Variants in AKAP13 observed in about 807,000 individuals in gnomAD.
The protein encoded by AKAP13 is A-kinase anchor protein 13.
In AKAP13, 80 loss-of-function variants were observed where a neutral mutation model predicts 264.5. That is an observed-to-expected ratio of 0.30 (90% confidence interval 0.25 to 0.36). AKAP13 has a LOEUF of 0.36. AKAP13 is among the 10% of genes least tolerant of loss of function. AKAP13 has a pLI of 1.00. For missense variants in AKAP13, 3,712 were observed against 3,435.2 expected, an observed-to-expected ratio of 1.08 and a Z score of -2.01; for synonymous variants, 1,380 against 1,250.2, an observed-to-expected ratio of 1.10 and a Z score of -2.19.
chr15:85,596,860 C>CG (rs2079844469), intron 8 of AKAP13, among the ~76,000 whole-genome samples: 1 of 151,994 alleles, frequency 6.6e-6, no homozygotes, highest in African/African-American at 2.4e-5. Context: ...GTTTCTTTTA[C>CG]TGTGTAGAGT....
chr15:85,434,957 C>T (rs2073206500), intron 1 of AKAP13, among the ~76,000 whole-genome samples: 1 of 151,366 alleles, frequency 6.6e-6, no homozygotes, highest in South Asian at 2.1e-4. Flanking sequence ...AGCAACGGAA[C>T]AAAGCTGGAT....
chr15:85,682,268 C>T, intron 15 of AKAP13, 56 bp downstream of exon 15: 1 of 1,544,434 alleles, frequency 6.5e-7, no homozygotes, highest in Non-Finnish European at 8.9e-7. Context: ...AATTTAAAAT[C>T]TCTTAGGCCA....
At chr15:85,483,632 C>CAACAAAAA (rs2075418923) in intron 1 of AKAP13, among the ~76,000 whole-genome samples, 1 of 58,000 alleles carries the variant, frequency 1.7e-5, no homozygotes, top group Non-Finnish European at 3.1e-5. Context: ...GACTCCGTCT[C>CAACAAAAA]AAAAAAAAAA....
intron 1 of AKAP13, among the ~76,000 whole-genome samples, chr15:85,460,221 C>T (rs1194861167): frequency 6.6e-6 from 1 of 152,214 alleles, no homozygotes; most frequent in Non-Finnish European, 1.5e-5. Flanking sequence ...TCCTATCACA[C>T]ACACACTCAC....
rs1218889548 is a variant in AKAP13 at position 85,735,606 on chromosome 15, G to A, written c.7488G>A (p.Thr2496=). ...ATGATGGCCAAGATCTTAGGAGAAC[G>A]GAATCAGATAGTGGCCTAAAAAAGG... ...EGDDGQDLRR[T]ESDSGLKKGG... is the part of the protein sequence containing the mutation. Residue 2496 remains threonine, a synonymous_variant, in exon 32 of 37, where the codon ACG becomes ACA. Transcript: ENST00000394518. The A allele has an allele frequency of 3.7e-6, 6 of 1,613,136 alleles. No homozygotes were observed. The highest frequency in any genetic ancestry group is 5.1e-6 in the Non-Finnish European group (6 of 1,179,724).
intron 1 of AKAP13, among the ~76,000 whole-genome samples, chr15:85,442,423 A>ACAT (rs55699718): frequency 9.4e-6 from 1 of 105,940 alleles, no homozygotes; most frequent in Non-Finnish European, 1.8e-5. Flanking sequence ...AAAAAAAAAA[A>ACAT]ATATATATAT....
chr15:85,524,874 C>CTTGT (rs1567105033), intron 3 of AKAP13, among the ~76,000 whole-genome samples: 10 of 80,348 alleles, frequency 1.2e-4, no homozygotes, highest in African/African-American at 4.8e-4. Context: ...TCCCCATTCC[C>CTTGT]CTGTGTGTGT....
At position 85,484,331 on chromosome 15, in the gene AKAP13, C is replaced by G. The variant is rs183123935; in HGVS notation, c.-11-1379C>G. On this transcript the variant is annotated intron_variant, in intron 1 of 36. Coordinates refer to ENST00000394518, the MANE Select transcript of AKAP13 (RefSeq NM_007200.5). Reference sequence around the variant, plus strand: ...TGCTGCCTTTCTCAAGCTTGGTTTTCAGTGTGGATTTCTGCAGATAATTTT... The same window carrying G: ...TGCTGCCTTTCTCAAGCTTGGTTTTGAGTGTGGATTTCTGCAGATAATTTT... 2.4e-3 allele frequency among the ~76,000 whole-genome samples: 359 copies of G among 152,252 alleles called. 1 individual carries two copies. Among genetic ancestry groups the G allele is most frequent in the African/African-American group, 8.1e-3 (336 of 41,546 alleles).
At chr15:85,490,657 A>G (rs2075695841) in intron 2 of AKAP13, among the ~76,000 whole-genome samples, 1 of 152,196 alleles carries the variant, frequency 6.6e-6, no homozygotes, top group African/African-American at 2.4e-5. Context: ...AATTTCACTT[A>G]TACATCAGGA....
At chr15:85,446,229 T>C (rs1473577165) in intron 1 of AKAP13, among the ~76,000 whole-genome samples, 1 of 152,154 alleles carries the variant, frequency 6.6e-6, no homozygotes, top group Non-Finnish European at 1.5e-5. Flanking sequence ...TGTGATAACG[T>C]GGAAGATAGT....
chr15:85,738,844 C>CAAAAAAAAA (rs71468137), intron 33 of AKAP13, among the ~76,000 whole-genome samples: 1 of 72,426 alleles, frequency 1.4e-5, no homozygotes, highest in African/African-American at 6.3e-5. Flanking sequence ...GACTCCGTCT[C>CAAAAAAAAA]AAAAAAAAAA....
chr15:85,427,176 C>T (rs889856369), intron 1 of AKAP13, among the ~76,000 whole-genome samples: 2 of 151,816 alleles, frequency 1.3e-5, no homozygotes, highest in Middle Eastern at 3.2e-3. Flanking sequence ...AGGACGGTCT[C>T]GATCTCATGT....
In AKAP13 at chr15:85,492,957, G is replaced by A. The variant is rs765069945; in HGVS notation, c.33+7204G>A. On this transcript the variant is annotated intron_variant, in intron 2 of 36. Transcript: ENST00000394518. ...TTCCAGAGGAATTGGGCATATAAGA[G>A]ATGGTATGAGTAGTTGTTCACTTTC... is the stretch of plus-strand genomic sequence containing the variant. Among the ~76,000 whole-genome samples the A allele has an allele frequency of 8.3e-4, 127 of 152,294 alleles. No homozygotes were observed. In the Middle Eastern group the frequency reaches 0.014, roughly 16 times the overall value.
chr15:85,467,792 G>A (rs2074804310), intron 1 of AKAP13, among the ~76,000 whole-genome samples: 1 of 152,180 alleles, frequency 6.6e-6, no homozygotes, highest in African/African-American at 2.4e-5. Context: ...GGACATTTCA[G>A]GGGTTGATAT....
chr15:85,619,321 A>G (rs1239588537), intron 8 of AKAP13: 1 of 974,570 alleles, frequency 1.0e-6, no homozygotes, highest in African/African-American at 1.8e-5. Context: ...GAGAGAAGGA[A>G]AAAGGGAGGA....
At chr15:85,675,869 C>G (rs1395442041) in intron 14 of AKAP13, among the ~76,000 whole-genome samples, 1 of 151,838 alleles carries the variant, frequency 6.6e-6, no homozygotes, top group Non-Finnish European at 1.5e-5. Flanking sequence ...ACACTTCAGG[C>G]TGACCATAGT....
At chr15:85,557,139 C>T (rs556578994) in intron 5 of AKAP13, among the ~76,000 whole-genome samples, 1 of 152,258 alleles carries the variant, frequency 6.6e-6, no homozygotes, top group Non-Finnish European at 1.5e-5. Context: ...GCTCATTAAT[C>T]CACATAAATT....
chr15:85,421,754 G>A (rs975705048), intron 1 of AKAP13, among the ~76,000 whole-genome samples: 2 of 152,186 alleles, frequency 1.3e-5, no homozygotes, highest in Non-Finnish European at 2.9e-5. Context: ...GCGACAGAAG[G>A]GACTTTCTAC....
intron 8 of AKAP13, among the ~76,000 whole-genome samples, chr15:85,594,238 C>T (rs916970435): frequency 6.6e-6 from 1 of 152,182 alleles, no homozygotes; most frequent in Non-Finnish European, 1.5e-5. Flanking sequence ...TTATTCAGTA[C>T]TCAGTTCAAC....
Sources: gnomAD v4.1 joint callset for allele counts (sites outside exome capture counted in the v4.1 genomes callset) on GRCh38, gnomAD v4.1.1 for gene constraint, MANE v1.5 for transcripts, NCBI Gene and HGNC (gene_info 2026-07-23, HGNC 2026-07-21) for gene names.